The following MTAP variants were observed in gnomAD, a reference collection of about 807,000 sequenced individuals.
The protein encoded by MTAP is methylthioadenosine phosphorylase, also known as S-methyl-5'-thioadenosine phosphorylase.
MTAP carries 33 observed loss-of-function variants against 33.6 expected under a neutral mutation model. The ratio of observed to expected loss-of-function variants is 0.98; its 90% confidence interval spans 0.74 to 1.31. MTAP has a LOEUF of 1.31. MTAP is among the 40% of genes most tolerant of loss of function. The probability of loss-of-function intolerance (pLI) is 0.00; values close to 1 mark genes in which losing one functional copy is unlikely to be tolerated. For synonymous variants in MTAP, 148 were observed against 125.7 expected (o/e 1.18, Z -1.19); for missense variants, 367 against 360.0 (o/e 1.02, Z -0.16).
At chr9:21,838,433 C>A (rs1825162377) in intron 5 of MTAP, among the ~76,000 whole-genome samples, 1 of 152,162 alleles carries the variant, frequency 6.6e-6, no homozygotes, top group South Asian at 2.1e-4. Flanking sequence ...ATAATTATAG[C>A]ATGTACCTTA....
intron 1 of MTAP, among the ~76,000 whole-genome samples, chr9:21,894,896 G>C (rs1818264352): frequency 6.6e-6 from 1 of 151,070 alleles, no homozygotes; most frequent in South Asian, 2.1e-4. Context: ...TCCAAGCTGA[G>C]AGCCAAATCG....
At chr9:21,803,568 C>T (rs1824125944) in intron 1 of MTAP, among the ~76,000 whole-genome samples, 1 of 152,066 alleles carries the variant, frequency 6.6e-6, no homozygotes, top group Admixed American at 6.5e-5. Context: ...AAGCTTTGTG[C>T]TGAGGAGGGC....
intron 5 of MTAP, among the ~76,000 whole-genome samples, chr9:21,842,326 A>T (rs904719759): frequency 6.6e-6 from 1 of 152,222 alleles, no homozygotes; most frequent in African/African-American, 2.4e-5. Context: ...GAGAAATCTG[A>T]AAGTTTGGAA....
At chr9:21,904,913 T>G (rs1818450565) in intron 1 of MTAP, among the ~76,000 whole-genome samples, 1 of 152,218 alleles carries the variant, frequency 6.6e-6, no homozygotes, top group Admixed American at 6.5e-5. Flanking sequence ...TCTCTTATCC[T>G]TCTCACAGGG....
chr9:21,850,475 A>G (rs933548428), intron 5 of MTAP, among the ~76,000 whole-genome samples: 2 of 152,184 alleles, frequency 1.3e-5, no homozygotes, highest in Admixed American at 1.3e-4. Flanking sequence ...CAACAGTTCC[A>G]GGCTGCTGTG....
intron 2 of MTAP, 43 bp from the exon 3 acceptor site, chr9:21,816,671 T>C (rs973380499): frequency 1.1e-5 from 17 of 1,564,082 alleles, no homozygotes; most frequent in Non-Finnish European, 1.5e-5. Context: ...ACATACCTGT[T>C]TTTAAATCAC....
At chr9:21,885,256 A>C (rs1477725531) in intron 1 of MTAP, among the ~76,000 whole-genome samples, 1 of 152,138 alleles carries the variant, frequency 6.6e-6, no homozygotes, top group East Asian at 1.9e-4. Flanking sequence ...GAATAATCCT[A>C]ATTTATGCAA....
intron 1 of MTAP, among the ~76,000 whole-genome samples, chr9:21,882,845 G>C (rs1254805515): frequency 6.6e-6 from 1 of 151,818 alleles, no homozygotes; most frequent in East Asian, 1.9e-4. Flanking sequence ...AAGTTATAAA[G>C]TACACTTTTA....
At chr9:21,902,873 G>GT (rs771833958) in intron 1 of MTAP, among the ~76,000 whole-genome samples, 21 of 152,202 alleles carry the variant, frequency 1.4e-4, no homozygotes, top group Admixed American at 5.2e-4. Flanking sequence ...AATGATTAAG[G>GT]TAAGAACAGA....
intron 1 of MTAP, chr9:21,803,262 C>T: frequency 3.5e-6 from 1 of 284,018 alleles, no homozygotes; most frequent in Non-Finnish European, 6.5e-6. Flanking sequence ...TCTGACTCTG[C>T]TTGTTGCCTG....
intron 4 of MTAP, among the ~76,000 whole-genome samples, chr9:21,831,217 C>A (rs1824958556): frequency 6.6e-6 from 1 of 152,192 alleles, no homozygotes; most frequent in African/African-American, 2.4e-5. Flanking sequence ...TCTACAGTTG[C>A]TCTTCTTTCT....
chr9:21,886,224 T>C (rs1818108979), intron 1 of MTAP, among the ~76,000 whole-genome samples: 1 of 152,136 alleles, frequency 6.6e-6, no homozygotes, highest in Admixed American at 6.6e-5. Context: ...TGAGCATTTT[T>C]TCATGTTTGT....
chr9:21,803,733 T>TAA (rs1824130350), intron 1 of MTAP, among the ~76,000 whole-genome samples: 1 of 151,368 alleles, frequency 6.6e-6, no homozygotes, highest in South Asian at 2.1e-4. Flanking sequence ...AATGCGTTCT[T>TAA]GTTTGATTTT....
intron 1 of MTAP, among the ~76,000 whole-genome samples, chr9:21,904,773 A>G (rs1190834550): frequency 6.6e-6 from 1 of 152,226 alleles, no homozygotes; most frequent in Non-Finnish European, 1.5e-5. Context: ...TTAGAACATC[A>G]TTAAAGTCAA....
At position 21,893,520 on chromosome 9, in the gene MTAP, A is replaced by G. The variant is rs1422511530; in HGVS notation, c.148-37488A>G. The G allele has an allele frequency of 2.6e-5, 4 of 152,298 alleles. No homozygotes were observed. In the East Asian group the frequency reaches 7.7e-4, roughly 29 times the overall value. 9.4% of individuals were successfully genotyped at this position (152,298 alleles called of 1,614,324 possible). ...AAAGAGTGCTTGCTAGACTTACAAA[A>G]AAAGAGAGAAGATCTAAATAAAGAC... On this transcript the variant is annotated intron_variant, in intron 1 of 1. Coordinates refer to the MTAP transcript ENST00000577563.
intron 1 of MTAP, among the ~76,000 whole-genome samples, chr9:21,891,094 C>A (rs954961379): frequency 2.0e-5 from 3 of 152,080 alleles, no homozygotes; most frequent in African/African-American, 7.2e-5. Context: ...TGGCCATAGT[C>A]AAACCATCAA....
chr9:21,899,175 T>C (rs982113083), intron 1 of MTAP, among the ~76,000 whole-genome samples: 36 of 134,430 alleles, frequency 2.7e-4, no homozygotes, highest in African/African-American at 1.0e-3. Flanking sequence ...TAGGTGAGAA[T>C]TGAATAATGA....
rs180993812 is a variant in MTAP at position 21,930,210 on chromosome 9, C to G, written c.148-798C>G. ...CAAGGGAGCTAATCAGAGCCAAACC[C>G]CATGTACCCAAGTGTTAGCAGGCAT... On this transcript the variant is annotated intron_variant, in intron 1 of 1. Transcript: ENST00000577563. 1.8e-3 allele frequency: 529 copies of G among 300,110 alleles called. 3 individuals are homozygous for G. The highest frequency in any genetic ancestry group is 0.011 in the African/African-American group (495 of 45,846). The allele number at this position is 300,110 out of a possible 1,614,324, so 18.6% of individuals were successfully genotyped here. A position where few individuals can be genotyped will look rare whatever the true frequency, so the allele number is the denominator to read the frequency against.
chr9:21,859,734 C>G (rs1329950085), intron 7 of MTAP: 1 of 198,862 alleles, frequency 5.0e-6, no homozygotes, highest in Non-Finnish European at 1.0e-5. Context: ...AGTGCTTTCT[C>G]TGCATATCGC....
Sources: gnomAD v4.1 joint callset for allele counts (sites outside exome capture counted in the v4.1 genomes callset) on GRCh38, gnomAD v4.1.1 for gene constraint, MANE v1.5 for transcripts, NCBI Gene and HGNC (gene_info 2026-07-23, HGNC 2026-07-21) for gene names.